The following FRAS1 variants were observed in gnomAD, a reference collection of about 807,000 sequenced individuals.
FRAS1 encodes extracellular matrix organizing protein FRAS1.
Under a neutral mutation model 435.2 loss-of-function variants are expected in FRAS1, and 290 were observed. The observed-to-expected ratio is 0.67, with a 90% CI of 0.61 to 0.73. The LOEUF (loss-of-function observed/expected upper bound fraction) is 0.73. Among genes scored for constraint, FRAS1 ranks in the 30% least tolerant of loss-of-function variants. The pLI, the probability that FRAS1 is intolerant of heterozygous loss-of-function variation, is 0.00. For missense variants in FRAS1, 4,860 were observed against 5,001.5 expected, an observed-to-expected ratio of 0.97 and a Z score of 0.85; for synonymous variants, 1,800 against 1,851.0, an observed-to-expected ratio of 0.97 and a Z score of 0.71.
intron 62 of FRAS1, among the ~76,000 whole-genome samples, chr4:78,508,219 A>G (rs1220928148): frequency 6.6e-6 from 1 of 152,206 alleles, no homozygotes; most frequent in Non-Finnish European, 1.5e-5. Flanking sequence ...TTAACCCATA[A>G]TTGTGAAGCA....
intron 4 of FRAS1, among the ~76,000 whole-genome samples, chr4:78,248,476 A>G (rs765317297): frequency 6.6e-6 from 1 of 152,156 alleles, no homozygotes; most frequent in Non-Finnish European, 1.5e-5. Flanking sequence ...GTTTACTGAA[A>G]AATGAAATGG....
intron 2 of FRAS1, among the ~76,000 whole-genome samples, chr4:78,145,641 T>G (rs2110004309): frequency 6.6e-6 from 1 of 152,258 alleles, no homozygotes; most frequent in South Asian, 2.1e-4. Flanking sequence ...TATAAAATAC[T>G]TTCAAGTTTA....
At chr4:78,507,718 C>A (rs1720887829) in intron 62 of FRAS1, 110 bp downstream of exon 62, 5 of 1,024,870 alleles carry the variant, frequency 4.9e-6, no homozygotes, top group Non-Finnish European at 6.8e-6. Flanking sequence ...GGTTCCCAAC[C>A]AGGAGCCATC....
chr4:78,420,396 C>G (rs983755140), intron 33 of FRAS1, among the ~76,000 whole-genome samples: 4 of 131,930 alleles, frequency 3.0e-5, no homozygotes, highest in African/African-American at 1.0e-4. Context: ...TTTTTGCCCT[C>G]TCAGCCCTGC....
chr4:78,142,495 A>C (rs183896356), intron 2 of FRAS1, among the ~76,000 whole-genome samples: 39 of 152,250 alleles, frequency 2.6e-4, no homozygotes, highest in African/African-American at 7.9e-4. Flanking sequence ...GAAATAGGTG[A>C]TACAAAAAGA....
At chr4:78,455,715 C>T (rs1719172391) in intron 47 of FRAS1, among the ~76,000 whole-genome samples, 1 of 152,182 alleles carries the variant, frequency 6.6e-6, no homozygotes. Flanking sequence ...GTGCAGAAGA[C>T]AGACCTAAGC....
intron 66 of FRAS1, among the ~76,000 whole-genome samples, chr4:78,518,728 A>G (rs1240308024): frequency 1.3e-5 from 2 of 152,212 alleles, no homozygotes; most frequent in Non-Finnish European, 2.9e-5. Flanking sequence ...AGCATGGGAC[A>G]GGAAATTACT....
chr4:78,396,109 G>C (rs1405160660), intron 29 of FRAS1, among the ~76,000 whole-genome samples: 1 of 151,960 alleles, frequency 6.6e-6, no homozygotes, highest in South Asian at 2.1e-4. Context: ...ATCTCCAATT[G>C]CATACAAAAC....
At chr4:78,094,729 G>A (rs1049730056) in intron 2 of FRAS1, among the ~76,000 whole-genome samples, 10 of 152,040 alleles carry the variant, frequency 6.6e-5, no homozygotes, top group East Asian at 3.9e-4. Context: ...TTATATACTG[G>A]CAATTGATTA....
Position 78,088,454 on chromosome 4 carries a change from T to C in FRAS1, c.108+22438T>C, listed in dbSNP as rs1165507497. On this transcript the variant is annotated intron_variant, in intron 2 of 73. Coordinates refer to ENST00000512123, the MANE Select transcript of FRAS1 (RefSeq NM_025074.7). ...GGATCTAATTAAACTAAGGAGCTTC[T>C]GCACAGCAAAAGAAACTACCATCAG... 2.0e-5 allele frequency among the ~76,000 whole-genome samples: 3 copies of C among 151,424 alleles called. No homozygotes were observed. The East Asian group carries it at 5.8e-4, about 29-fold the overall frequency.
chr4:78,347,083 A>G (rs1253473436), intron 20 of FRAS1, among the ~76,000 whole-genome samples: 1 of 152,156 alleles, frequency 6.6e-6, no homozygotes, highest in African/African-American at 2.4e-5. Flanking sequence ...AAAACTGCAA[A>G]GAAAACCCTT....
At position 78,157,118 on chromosome 4, in the gene FRAS1, C is replaced by T. The variant is rs117066328; in HGVS notation, c.109-80392C>T. 2.6e-4 allele frequency among the ~76,000 whole-genome samples: 39 copies of T among 152,300 alleles called. 1 individual carries two copies. The East Asian group carries it at 7.5e-3, about 29-fold the overall frequency. ...GCGTTAATTCACCTAGGACAATGGC[C>T]TCCAGCTGCATCCATACTGCTGCAA... On this transcript the variant is annotated intron_variant, in intron 2 of 73. Coordinates refer to ENST00000512123, the MANE Select transcript of FRAS1 (RefSeq NM_025074.7).
chr4:78,507,539 G>A lies in FRAS1; in HGVS notation c.9435G>A (p.Val3145=), dbSNP rs1471784154. 37 of 1,612,044 alleles carry A rather than the reference G, an allele frequency of 2.3e-5. No individual in the cohort carries two copies. Among genetic ancestry groups the A allele is most frequent in the Non-Finnish European group, 3.0e-5 (35 of 1,179,226 alleles). The change falls in exon 62 of 74, where the codon GTG becomes GTA. Residue 3145 remains valine (V), a synonymous_variant. Coordinates refer to ENST00000512123, the MANE Select transcript of FRAS1 (RefSeq NM_025074.7). The part of the protein sequence containing the change: ...DDPVEAVLGD[V]TTATVTILDQ... ...CAGTGGAAGCAGTTCTTGGGGATGT[G>A]ACTACTGCCACGGTGACAATTCTAG...
chr4:78,151,970 C>G (rs1463468277), intron 2 of FRAS1, among the ~76,000 whole-genome samples: 1 of 152,138 alleles, frequency 6.6e-6, no homozygotes, highest in African/African-American at 2.4e-5. Flanking sequence ...CAGTGCGTGC[C>G]TTTGCTTTCT....
chr4:78,355,266 G>A (rs1179280159), intron 20 of FRAS1, among the ~76,000 whole-genome samples: 1 of 138,550 alleles, frequency 7.2e-6, no homozygotes, highest in Non-Finnish European at 1.7e-5. Context: ...TAGCAAGGAG[G>A]TACATATACA....
chr4:78,376,738 C>A (rs1731781523), intron 26 of FRAS1, among the ~76,000 whole-genome samples: 2 of 152,244 alleles, frequency 1.3e-5, no homozygotes, highest in African/African-American at 4.8e-5. Context: ...CGCCTGTAAT[C>A]CCAGCACATT....
chr4:78,271,186 A>T (rs1043992711), intron 9 of FRAS1, among the ~76,000 whole-genome samples: 7 of 152,278 alleles, frequency 4.6e-5, no homozygotes, highest in Admixed American at 1.3e-4. Context: ...AATTTATATT[A>T]TTCATTTTCA....
chr4:78,372,584 A>G (rs946872531), intron 23 of FRAS1, 134 bp from the exon 24 acceptor site: 5 of 1,041,704 alleles, frequency 4.8e-6, no homozygotes, highest in Non-Finnish European at 7.2e-6. Flanking sequence ...ACCTCATTTG[A>G]GCCTACTTAT....
intron 2 of FRAS1, among the ~76,000 whole-genome samples, chr4:78,229,841 T>A (rs1400239624): frequency 2.0e-5 from 3 of 152,176 alleles, no homozygotes; most frequent in African/African-American, 4.8e-5. Flanking sequence ...AGAGTCATGA[T>A]GTCAGTTTCA....
Sources: gnomAD v4.1 joint callset for allele counts (sites outside exome capture counted in the v4.1 genomes callset) on GRCh38, gnomAD v4.1.1 for gene constraint, MANE v1.5 for transcripts, NCBI Gene and HGNC (gene_info 2026-07-23, HGNC 2026-07-21) for gene names.